Variants in TMBIM4 observed in about 807,000 individuals in gnomAD.
TMBIM4 encodes protein lifeguard 4.
Under a neutral mutation model 27.7 loss-of-function variants are expected in TMBIM4, and 28 were observed. The observed-to-expected ratio is 1.01, with a 90% confidence interval of 0.75 to 1.38. The LOEUF (loss-of-function observed/expected upper bound fraction) is 1.38. TMBIM4 is among the 40% of genes most tolerant of loss of function. The pLI is 0.00. For missense variants in TMBIM4, 265 were observed against 277.5 expected (o/e 0.95, Z 0.32); for synonymous variants, 115 against 113.1 (o/e 1.02, Z -0.11).
chr12:66,139,721 G>A (rs1300383564), intron 5 of TMBIM4: 2 of 456,036 alleles, frequency 4.4e-6, no homozygotes, highest in Non-Finnish European at 8.8e-6. Flanking sequence ...GATTCCCCTA[G>A]AGTCTGTAGC....
intron 1 of TMBIM4, among the ~76,000 whole-genome samples, chr12:66,159,599 G>A (rs1425700375): frequency 6.6e-6 from 1 of 152,136 alleles, no homozygotes; most frequent in Non-Finnish European, 1.5e-5. Context: ...CAAAATTTGG[G>A]GGCAATTTGT....
At chr12:66,160,146 A>T (rs1266689277) in intron 1 of TMBIM4, 6 of 701,322 alleles carry the variant, frequency 8.6e-6, no homozygotes, top group Non-Finnish European at 1.6e-5. Context: ...TGGCCCAGAA[A>T]GCTGAGTATG....
At chr12:66,155,945 G>A (rs866536918) in intron 1 of TMBIM4, among the ~76,000 whole-genome samples, 2 of 152,132 alleles carry the variant, frequency 1.3e-5, no homozygotes, top group African/African-American at 4.8e-5. Context: ...CCAGCAGTAT[G>A]TATTACTATT....
At chr12:66,158,400 G>A (rs1207386752) in intron 1 of TMBIM4, among the ~76,000 whole-genome samples, 2 of 151,974 alleles carry the variant, frequency 1.3e-5, no homozygotes, top group Non-Finnish European at 2.9e-5. Flanking sequence ...CAGCACTTTG[G>A]GAGGCCAAGG....
At chr12:66,168,461 A>G (rs2052171976) in intron 1 of TMBIM4, among the ~76,000 whole-genome samples, 1 of 152,124 alleles carries the variant, frequency 6.6e-6, no homozygotes, top group South Asian at 2.1e-4. Context: ...ATTGGATGGT[A>G]TATAAGTTTA....
intron 4 of TMBIM4, among the ~76,000 whole-genome samples, chr12:66,146,793 C>T (rs1300267837): frequency 6.6e-6 from 1 of 152,000 alleles, no homozygotes; most frequent in Non-Finnish European, 1.5e-5. Context: ...ATTGGAATTT[C>T]TCTGTTTATG....
intron 1 of TMBIM4, among the ~76,000 whole-genome samples, chr12:66,166,427 T>C (rs2052128239): frequency 7.3e-6 from 1 of 137,376 alleles, no homozygotes; most frequent in African/African-American, 2.9e-5. Flanking sequence ...ACTGTACCAC[T>C]GCACTCCAGT....
intron 1 of TMBIM4, among the ~76,000 whole-genome samples, chr12:66,159,000 T>C (rs1465655953): frequency 1.3e-5 from 2 of 152,154 alleles, no homozygotes; most frequent in African/African-American, 2.4e-5. Flanking sequence ...TTCTGAACTT[T>C]GAGATGATGC....
At chr12:66,141,065 G>GT (rs900233695) in intron 5 of TMBIM4, among the ~76,000 whole-genome samples, 4 of 151,828 alleles carry the variant, frequency 2.6e-5, no homozygotes, top group African/African-American at 9.7e-5. Context: ...AAAGACAAAG[G>GT]TTTTTTTCAG....
chr12:66,138,819 A>T (rs774026665), intron 5 of TMBIM4, 50 bp from the exon 6 acceptor site: 1 of 1,437,588 alleles, frequency 7.0e-7, no homozygotes, highest in African/African-American at 1.5e-5. Context: ...TTACAAAAAA[A>T]CTTTGTAAAC....
intron 1 of TMBIM4, among the ~76,000 whole-genome samples, chr12:66,164,212 T>C (rs969473355): frequency 3.9e-5 from 6 of 152,192 alleles, no homozygotes; most frequent in African/African-American, 1.4e-4. Flanking sequence ...GTAGTAGTTC[T>C]ATGCAAACCG....
chr12:66,169,570 C>A, intron 1 of TMBIM4: 1 of 467,282 alleles, frequency 2.1e-6, no homozygotes, highest in Non-Finnish European at 3.8e-6. Context: ...CTGTCCCTTC[C>A]TACACCGCGG....
chr12:66,160,157 T>C (rs1282087124), intron 1 of TMBIM4: 4 of 702,532 alleles, frequency 5.7e-6, no homozygotes, highest in Non-Finnish European at 7.8e-6. Flanking sequence ...GCTGAGTATG[T>C]TTCTTACTTG....
chr12:66,140,766 T>C (rs142627265), intron 5 of TMBIM4, among the ~76,000 whole-genome samples: 1 of 152,224 alleles, frequency 6.6e-6, no homozygotes, highest in African/African-American at 2.4e-5. Context: ...AGGAAAACTT[T>C]ACATTGTCAG....
At chr12:66,163,506 C>A (rs763210745) in intron 1 of TMBIM4, among the ~76,000 whole-genome samples, 1 of 151,994 alleles carries the variant, frequency 6.6e-6, no homozygotes, top group Non-Finnish European at 1.5e-5. Context: ...CTCATGATGG[C>A]AGAAAGGGGA....
At chr12:66,140,991 T>C (rs748368500) in intron 5 of TMBIM4, among the ~76,000 whole-genome samples, 1 of 151,866 alleles carries the variant, frequency 6.6e-6, no homozygotes, top group African/African-American at 2.4e-5. Flanking sequence ...TTTAAAATAC[T>C]GAAAGCAAGA....
At chr12:66,160,132 C>T in intron 1 of TMBIM4, 1 of 697,752 alleles carries the variant, frequency 1.4e-6, no homozygotes, top group South Asian at 1.5e-5. Context: ...CAACAGATAT[C>T]TTATGGCCCA....
chr12:66,154,355 G>A (rs902990464), intron 1 of TMBIM4, among the ~76,000 whole-genome samples: 1 of 152,096 alleles, frequency 6.6e-6, no homozygotes, highest in Non-Finnish European at 1.5e-5. Context: ...TGTAAAGACC[G>A]AAAGCTCCCT....
Position 66,136,584 on chromosome 12 carries a change from T to A in TMBIM4, c.*1376A>T, listed in dbSNP as rs532659064. 6.6e-6 allele frequency: 1 copy of A among 152,478 alleles called. No individual in the cohort carries two copies. The highest frequency in any genetic ancestry group is 1.5e-5 in the Non-Finnish European group (1 of 68,206). The allele number at this position is 152,478 out of a possible 1,614,324, so 9.4% of individuals were successfully genotyped here. On this transcript the variant is annotated 3_prime_UTR_variant, in exon 7 of 7. Coordinates refer to ENST00000358230, the MANE Select transcript of TMBIM4 (RefSeq NM_016056.4). The stretch of plus-strand genomic sequence containing the variant: ...AAGAGATAATTAAGGAAAAATGAGG[T>A]CCTCAGTGTGGGCCCTAATCCAGTA...
Sources: gnomAD v4.1 joint callset for allele counts (sites outside exome capture counted in the v4.1 genomes callset) on GRCh38, gnomAD v4.1.1 for gene constraint, MANE v1.5 for transcripts, NCBI Gene and HGNC (gene_info 2026-07-23, HGNC 2026-07-21) for gene names.